ATP5MC3: variants seen among roughly 807,000 people sequenced by gnomAD.
The protein encoded by ATP5MC3 is ATP synthase membrane subunit c locus 3.
In ATP5MC3, 6 loss-of-function variants were observed where a neutral mutation model predicts 15.6. The ratio of observed to expected loss-of-function variants is 0.38; its 90% CI spans 0.21 to 0.76. The LOEUF is 0.76. Among genes scored for constraint, ATP5MC3 ranks in the 30% least tolerant of loss-of-function variants. The probability of loss-of-function intolerance (pLI) is 0.44; values close to 1 mark genes in which losing one functional copy is unlikely to be tolerated. For missense variants in ATP5MC3, 132 were observed against 171.2 expected (o/e 0.77, Z 1.28); for synonymous variants, 66 against 63.3 (o/e 1.04, Z -0.20).
In ATP5MC3 at chr2:175,176,600, C is replaced by T. The variant is rs189602479; in HGVS notation, c.*1688G>A. On this transcript the variant is annotated 3_prime_UTR_variant, in exon 5 of 5. Coordinates refer to ENST00000284727, the MANE Select transcript of ATP5MC3 (RefSeq NM_001689.5). ...TACCATCAGACCAGCTGTAATTCAT[C>T]CAATTTTCATCATCCTAAAAGGAAT... 1.0e-3 allele frequency: 156 copies of T among 152,274 alleles called. 1 individual carries two copies. Among genetic ancestry groups the T allele is most frequent in the African/African-American group, 3.6e-3 (151 of 41,558 alleles). The allele number at this position is 152,274 out of a possible 1,614,324, so 9.4% of individuals were successfully genotyped here.
At position 175,178,325 on chromosome 2, in the gene ATP5MC3, CAA is replaced by C. The variant is rs1466461225; in HGVS notation, c.390_391del (p.Phe130LeufsTer25). The C allele has an allele frequency of 2.5e-6, 4 of 1,611,648 alleles. No individual in the cohort carries two copies. Among genetic ancestry groups the C allele is most frequent in the Admixed American group, 1.7e-5 (1 of 59,470 alleles). ...CAAAATCAAGAAAGCAACCATCAAA[CAA>C]AAGAGACCCATAGCTTCAGACAAGG... On this transcript the variant is annotated frameshift_variant, in exon 5 of 5. Transcript: ENST00000284727. LOFTEE classifies it high-confidence loss of function.
Position 175,178,392 on chromosome 2 carries a change from G to A in ATP5MC3, c.325C>T (p.Leu109=). 1.2e-6 allele frequency: 2 copies of A among 1,606,062 alleles called. No individual in the cohort carries two copies. Among genetic ancestry groups the A allele is most frequent in the Non-Finnish European group, 1.7e-6 (2 of 1,177,538 alleles). The change falls in exon 5 of 5, where the codon CTG becomes TTG. Residue 109 remains leucine (L), a synonymous_variant. Coordinates refer to ENST00000284727, the MANE Select transcript of ATP5MC3 (RefSeq NM_001689.5). The part of the protein sequence containing the change: ...LIIGYARNPS[L]KQQLFSYAIL... Reference sequence around the variant, plus strand: ...GCATATGAGAACAGCTGCTGCTTCAGCGAAGGGTTTCTAAAAGAGACCACA... The same window carrying A: ...GCATATGAGAACAGCTGCTGCTTCAACGAAGGGTTTCTAAAAGAGACCACA...
intron 2 of ATP5MC3, among the ~76,000 whole-genome samples, chr2:175,181,136 A>T: frequency 6.6e-6 from 1 of 152,370 alleles, no homozygotes; most frequent in African/African-American, 2.4e-5. Flanking sequence ...GTGAGGCCTG[A>T]CAGCTAGGCC....
In ATP5MC3 at chr2:175,181,460, T is replaced by C. The variant is rs753175334; in HGVS notation, c.-67A>G. On this transcript the variant is annotated 5_prime_UTR_variant, in exon 2 of 5. Coordinates refer to ENST00000284727, the MANE Select transcript of ATP5MC3 (RefSeq NM_001689.5). ...CAGGCGACGTGGGCTCCTCTCCCGC[T>C]TCCTCTCTGCGGAGGAAAAGAGGCT... 7.1e-5 allele frequency: 113 copies of C among 1,593,232 alleles called. No individual in the cohort carries two copies. Among genetic ancestry groups the C allele is most frequent in the Admixed American group, 2.4e-4 (14 of 58,554 alleles).
In ATP5MC3 at chr2:175,177,014, C is replaced by T. The variant is rs1391688835; in HGVS notation, c.*1274G>A. ...GACTAGATGATGAATCAACTAAAAA[C>T]GAGGTAGCAGCTCTACCTCTTTAGC... On this transcript the variant is annotated 3_prime_UTR_variant, in exon 5 of 5. Coordinates refer to ENST00000284727, the MANE Select transcript of ATP5MC3 (RefSeq NM_001689.5). 1.3e-5 allele frequency: 2 copies of T among 152,050 alleles called. No homozygotes were observed. The highest frequency in any genetic ancestry group is 2.9e-5 in the Non-Finnish European group (2 of 67,998). The allele number at this position is 152,050 out of a possible 1,614,324, so 9.4% of individuals were successfully genotyped here.
At position 175,181,698 on chromosome 2, in the gene ATP5MC3, A is replaced by G. The variant is rs962050499; in HGVS notation, c.-116T>C. 46 of 418,558 alleles carry G rather than the reference A, an allele frequency of 1.1e-4. No homozygotes were observed. The highest frequency in any genetic ancestry group is 7.6e-4 in the African/African-American group (37 of 48,494). 25.9% of individuals were successfully genotyped at this position (418,558 alleles called of 1,614,324 possible). On this transcript the variant is annotated 5_prime_UTR_variant, in exon 1 of 5. Transcript: ENST00000284727. ...GCGGCACGGGCTGCGGCAGAGGTCG[A>G]AGGAGTGGGACTCAATGCGCAAGCG...
Position 175,180,236 on chromosome 2 carries a change from C to G in ATP5MC3, c.40-58G>C, listed in dbSNP as rs1343011093. ...TTAAGAAAGAATACAGGTAAGACTT[C>G]AATGACTTTTCTGGTACCATGAATT... On this transcript the variant is annotated intron_variant, in intron 2 of 4. Coordinates refer to ENST00000284727, the MANE Select transcript of ATP5MC3 (RefSeq NM_001689.5). 3.0e-6 allele frequency: 4 copies of G among 1,326,850 alleles called. No homozygotes were observed. The African/African-American group carries it at 6.1e-5, about 20-fold the overall frequency. The allele number at this position is 1,326,850 out of a possible 1,614,324, so 82.2% of individuals were successfully genotyped here. A position where few individuals can be genotyped will look rare whatever the true frequency, so the allele number is the denominator to read the frequency against.
intron 2 of ATP5MC3, among the ~76,000 whole-genome samples, chr2:175,180,399 T>G (rs998080561): frequency 9.2e-5 from 14 of 152,344 alleles, no homozygotes; most frequent in Non-Finnish European, 1.9e-4. Context: ...GAATAAAATT[T>G]CTAATAACAG....
In ATP5MC3 at chr2:175,177,049, C is replaced by A. The variant is rs1315903685; in HGVS notation, c.*1239G>T. The stretch of plus-strand genomic sequence containing the variant: ...GCTCTACCTCTTTAGCTTTTTGGGG[C>A]CTCATTTCACTTTACAGAAGGTAGG... On this transcript the variant is annotated 3_prime_UTR_variant, in exon 5 of 5. Transcript: ENST00000284727. 2 of 152,070 alleles carry A rather than the reference C, an allele frequency of 1.3e-5. No homozygotes were observed. The highest frequency in any genetic ancestry group is 4.8e-5 in the African/African-American group (2 of 41,400). The allele number at this position is 152,070 out of a possible 1,614,324, so 9.4% of individuals were successfully genotyped here.
At chr2:175,181,283 A>G in intron 2 of ATP5MC3, 72 bp downstream of exon 2, 1 of 1,557,170 alleles carries the variant, frequency 6.4e-7, no homozygotes, top group South Asian at 1.2e-5. Flanking sequence ...AGGTTGCCCC[A>G]TTCAACAACG....
rs1700770786 is a variant in ATP5MC3, at chr2:175,181,439, C to CGTGGGTGACAGGA, written c.-47_-46insTCCTGTCACCCAC. 5.0e-6 allele frequency: 8 copies of CGTGGGTGACAGGA among 1,609,596 alleles called. No homozygotes were observed. Among genetic ancestry groups the CGTGGGTGACAGGA allele is most frequent in the Non-Finnish European group, 6.8e-6 (8 of 1,177,800 alleles). ...GCGGCTGGAGATATTGGGTGACAGG[C>CGTGGGTGACAGGA]GACGTGGGCTCCTCTCCCGCTTCCT... On this transcript the variant is annotated 5_prime_UTR_variant, in exon 2 of 5. Coordinates refer to ENST00000284727, the MANE Select transcript of ATP5MC3 (RefSeq NM_001689.5).
chr2:175,181,253 G>C (rs1339914017), intron 2 of ATP5MC3, 102 bp downstream of exon 2: 4 of 1,394,390 alleles, frequency 2.9e-6, no homozygotes, highest in Non-Finnish European at 3.9e-6. Flanking sequence ...GTTCCCGAGA[G>C]GGCGGTGTGC....
rs41270205 is a variant in ATP5MC3 at position 175,181,439 on chromosome 2, C to A, written c.-46G>T. The stretch of plus-strand genomic sequence containing the variant: ...GCGGCTGGAGATATTGGGTGACAGG[C>A]GACGTGGGCTCCTCTCCCGCTTCCT... On this transcript the variant is annotated 5_prime_UTR_variant, in exon 2 of 5. Coordinates refer to ENST00000284727, the MANE Select transcript of ATP5MC3 (RefSeq NM_001689.5). 61,330 of 1,609,540 alleles carry A rather than the reference C, an allele frequency of 0.038. 1,549 individuals are homozygous for A. The highest frequency in any genetic ancestry group is 0.12 in the Admixed American group (7,277 of 59,418).
intron 2 of ATP5MC3, 93 bp downstream of exon 2, chr2:175,181,262 G>A (rs1700765428): frequency 7.0e-7 from 1 of 1,432,716 alleles, no homozygotes; most frequent in East Asian, 2.4e-5. Flanking sequence ...AGGGCGGTGT[G>A]CCCCGCCCGA....
intron 4 of ATP5MC3, 43 bp downstream of exon 4, chr2:175,179,014 C>T (rs1481069767): frequency 1.3e-6 from 2 of 1,591,132 alleles, no homozygotes; most frequent in Non-Finnish European, 1.7e-6. Context: ...TTTCCAACTA[C>T]TGCAAGCATG....
rs750114777 is a variant in ATP5MC3 at position 175,181,399 on chromosome 2, A to G, written c.-6T>C. The G allele has an allele frequency of 1.2e-6, 2 of 1,613,076 alleles. No individual in the cohort carries two copies. Among genetic ancestry groups the G allele is most frequent in the Admixed American group, 1.7e-5 (1 of 59,914 alleles). ...AGCTTGGCGCAGGCGAACATCTTAC[A>G]CTCTTCGGGACTGCGCGGCTGGAGA... On this transcript the variant is annotated 5_prime_UTR_variant, in exon 2 of 5. Transcript: ENST00000284727.
chr2:175,178,860 T>TA, intron 4 of ATP5MC3, 197 bp downstream of exon 4: 1 of 1,122,302 alleles, frequency 8.9e-7, no homozygotes, highest in East Asian at 2.8e-5. Flanking sequence ...TCTGTGTCTC[T>TA]AGTCCTTCAT....
rs779770959 is a variant in ATP5MC3, at chr2:175,180,117, TCTGGTCGAGATAACA to T, written c.86_100del (p.Val29_Pro33del). On this transcript the variant is annotated inframe_deletion, in exon 3 of 5. Coordinates refer to ENST00000284727, the MANE Select transcript of ATP5MC3 (RefSeq NM_001689.5). ...TATTACCTCTCCAGTCCTACTAGCC[TCTGGTCGAGATAACA>T]CTGATGCAGAAATTGGTCTGTATGC... 1 of 1,602,758 alleles carries T rather than the reference TCTGGTCGAGATAACA, an allele frequency of 6.2e-7. No individual in the cohort carries two copies. The highest frequency in any genetic ancestry group is 1.3e-5 in the African/African-American group (1 of 74,136).
intron 2 of ATP5MC3, 146 bp downstream of exon 2, chr2:175,181,209 A>T: frequency 9.8e-7 from 1 of 1,018,932 alleles, no homozygotes; most frequent in Non-Finnish European, 1.4e-6. Flanking sequence ...ATTAGGAAGA[A>T]AACGGCAATG....
Sources: allele counts gnomAD v4.1 joint callset (sites outside exome capture counted in the v4.1 genomes callset), GRCh38; gene constraint gnomAD v4.1.1; transcripts MANE v1.5; gene names NCBI Gene and HGNC (gene_info 2026-07-23, HGNC 2026-07-21).